The following LTBP1 variants were observed in gnomAD, a reference collection of about 807,000 sequenced individuals.
LTBP1 encodes latent-transforming growth factor beta-binding protein 1.
In LTBP1, 129 loss-of-function variants were observed where a neutral mutation model predicts 207.6. That is an observed-to-expected ratio of 0.62 (90% CI 0.54 to 0.72). The LOEUF (loss-of-function observed/expected upper bound fraction) is 0.72, where lower values mean the gene tolerates loss of function less well. Ranked by LOEUF, LTBP1 falls within the 30% of genes least tolerant of loss-of-function variation. LTBP1 has a pLI of 0.00. For synonymous variants in LTBP1, 963 were observed against 833.7 expected (o/e 1.16, Z -2.67); for missense variants, 2,281 against 2,217.2 (o/e 1.03, Z -0.58).
intron 3 of LTBP1, among the ~76,000 whole-genome samples, chr2:33,107,432 C>T (rs777916216): frequency 1.3e-5 from 2 of 151,884 alleles, no homozygotes; most frequent in South Asian, 4.1e-4. Flanking sequence ...TGATATGAAA[C>T]ATATTTATTA....
At chr2:33,150,774 A>C (rs1393876483) in intron 5 of LTBP1, among the ~76,000 whole-genome samples, 2 of 116,094 alleles carry the variant, frequency 1.7e-5, no homozygotes, top group African/African-American at 3.4e-5. Flanking sequence ...GCTGGAGTGC[A>C]GTGGCAACCT....
At chr2:33,272,721 G>A (rs1432126006) in intron 15 of LTBP1, among the ~76,000 whole-genome samples, 7 of 152,218 alleles carry the variant, frequency 4.6e-5, no homozygotes, top group Admixed American at 4.6e-4. Context: ...CAGCATTTGT[G>A]CCTGCACTGT....
At chr2:33,074,915 A>G (rs1166074760) in intron 3 of LTBP1, among the ~76,000 whole-genome samples, 10 of 148,480 alleles carry the variant, frequency 6.7e-5, no homozygotes, top group Non-Finnish European at 7.4e-5. Flanking sequence ...GATGGGCATG[A>G]TGGCACCTGC....
intron 20 of LTBP1, among the ~76,000 whole-genome samples, chr2:33,297,759 CAAA>C (rs754769613): frequency 7.0e-6 from 1 of 143,204 alleles, no homozygotes; most frequent in Non-Finnish European, 1.6e-5. Context: ...AAAACAAAAA[CAAA>C]AAACTAAACA....
chr2:32,983,129 A>C (rs1481454323), intron 2 of LTBP1, among the ~76,000 whole-genome samples: 1 of 152,186 alleles, frequency 6.6e-6, no homozygotes, highest in Non-Finnish European at 1.5e-5. Flanking sequence ...GGAGCTGCCC[A>C]TGGCTGTGGG....
At chr2:33,125,851 C>A (rs1030730857) in intron 4 of LTBP1, among the ~76,000 whole-genome samples, 1 of 151,868 alleles carries the variant, frequency 6.6e-6, no homozygotes, top group African/African-American at 2.4e-5. Flanking sequence ...AAAAATTACT[C>A]CAAACTGTAG....
intron 9 of LTBP1, among the ~76,000 whole-genome samples, chr2:33,237,672 C>T (rs546984830): frequency 7.2e-5 from 11 of 152,276 alleles, no homozygotes; most frequent in South Asian, 2.1e-4. Flanking sequence ...TGAAAGAAAT[C>T]GGACTCATTA....
At chr2:33,212,515 A>G (rs532811710) in intron 7 of LTBP1, among the ~76,000 whole-genome samples, 21 of 152,342 alleles carry the variant, frequency 1.4e-4, no homozygotes, top group African/African-American at 5.1e-4. Context: ...ATCAGTATGT[A>G]GTGACCACAG....
At chr2:33,294,547 A>T (rs1217534769) in intron 20 of LTBP1, among the ~76,000 whole-genome samples, 9 of 141,310 alleles carry the variant, frequency 6.4e-5, no homozygotes, top group African/African-American at 2.1e-4. Flanking sequence ...TTATTTCCTT[A>T]TTCATAAAAG....
intron 7 of LTBP1, among the ~76,000 whole-genome samples, chr2:33,190,260 G>T (rs2087710040): frequency 6.6e-6 from 1 of 152,108 alleles, no homozygotes; most frequent in Non-Finnish European, 1.5e-5. Context: ...TTGGTTATGG[G>T]TTAAACCCCT....
chr2:32,950,699 C>G (rs1299526610), intron 2 of LTBP1, among the ~76,000 whole-genome samples: 1 of 152,068 alleles, frequency 6.6e-6, no homozygotes, highest in Non-Finnish European at 1.5e-5. Flanking sequence ...CTGGGCGATG[C>G]AGAGAGACTC....
At chr2:33,175,788 A>G (rs1459134048) in intron 5 of LTBP1, among the ~76,000 whole-genome samples, 1 of 151,350 alleles carries the variant, frequency 6.6e-6, no homozygotes, top group African/African-American at 2.4e-5. Flanking sequence ...GATTAAGAAA[A>G]TGTGGCACAT....
intron 3 of LTBP1, among the ~76,000 whole-genome samples, chr2:33,100,804 C>T (rs1216196448): frequency 6.6e-6 from 1 of 152,116 alleles, no homozygotes; most frequent in Non-Finnish European, 1.5e-5. Context: ...AGCATTTGTC[C>T]TTTTATGTCT....
intron 26 of LTBP1, among the ~76,000 whole-genome samples, chr2:33,349,178 C>G (rs1439163459): frequency 6.6e-6 from 1 of 152,146 alleles, no homozygotes; most frequent in Admixed American, 6.5e-5. Context: ...TGGCCAGGTG[C>G]AGTGGCTCAC....
chr2:33,367,989 C>T lies in LTBP1; in HGVS notation c.4711+2486C>T, dbSNP rs1345563960. Among the ~76,000 whole-genome samples the T allele has an allele frequency of 4.6e-5, 7 of 152,000 alleles. No homozygotes were observed. The East Asian group carries it at 1.2e-3, about 25-fold the overall frequency. ...CAGCACTTTGGGAGGCCGAGGCGGG[C>T]GGATCATGAGGTCAGGAAAGATCAA... On this transcript the variant is annotated intron_variant, in intron 31 of 33. Coordinates refer to ENST00000404816, the MANE Select transcript of LTBP1 (RefSeq NM_206943.4).
In LTBP1 at chr2:33,360,616, T is replaced by G. The variant is rs1387269751; in HGVS notation, c.4020T>G (p.Asp1340Glu). The G allele has an allele frequency of 6.2e-7, 1 of 1,613,424 alleles. No individual in the cohort carries two copies. Among genetic ancestry groups the G allele is most frequent in the Admixed American group, 1.7e-5 (1 of 60,008 alleles). The change falls in exon 27 of 34, where the codon GAT becomes GAG. Residue 1340 changes from aspartate (D) to glutamate (E), a missense_variant. Asp to Glu is a conservative substitution (Grantham distance 45). This residue lies in a region of LTBP1 where 1,671 missense variants were observed against 1,634.8 expected (regional missense o/e 1.02). Coordinates refer to ENST00000404816, the MANE Select transcript of LTBP1 (RefSeq NM_206943.4). ...ATTTAGATTTAGATGTAGATGTAGA[T>G]CAACCCAAAGAAGAAAAGAAAGAAT... ...RTSTDLDVDV[D>E]QPKEEKKECY...
intron 5 of LTBP1, among the ~76,000 whole-genome samples, chr2:33,180,246 C>T (rs2086481557): frequency 6.6e-6 from 1 of 152,156 alleles, no homozygotes; most frequent in South Asian, 2.1e-4. Context: ...AACACAACAA[C>T]TGTAAATCTC....
At chr2:33,089,597 ACT>A (rs1384097702) in intron 3 of LTBP1, among the ~76,000 whole-genome samples, 1 of 152,188 alleles carries the variant, frequency 6.6e-6, no homozygotes, top group African/African-American at 2.4e-5. Context: ...TGTCCTAGTC[ACT>A]CATAAAGCTA....
At chr2:33,394,823 T>A (rs1457147632) in intron 32 of LTBP1, among the ~76,000 whole-genome samples, 1 of 152,206 alleles carries the variant, frequency 6.6e-6, no homozygotes, top group Non-Finnish European at 1.5e-5. Flanking sequence ...TTAAAGTAGT[T>A]TTTTCCAATT....
Sources: allele counts gnomAD v4.1 joint callset (sites outside exome capture counted in the v4.1 genomes callset), GRCh38; gene constraint gnomAD v4.1.1; regional missense constraint gnomAD v4.1.1; transcripts MANE v1.5; gene names NCBI Gene and HGNC (gene_info 2026-07-23, HGNC 2026-07-21).